Variants in CARMIL1 observed in about 807,000 individuals in gnomAD.
CARMIL1 encodes F-actin-uncapping protein LRRC16A.
CARMIL1 carries 90 observed loss-of-function variants against 177.1 expected under a neutral mutation model. That is an observed-to-expected ratio of 0.51 (90% confidence interval 0.43 to 0.61). The LOEUF (loss-of-function observed/expected upper bound fraction) is 0.61. Among genes scored for constraint, CARMIL1 ranks in the 20% least tolerant of loss-of-function variants. CARMIL1 has a pLI of 0.00. For synonymous variants in CARMIL1, 577 were observed against 606.2 expected (o/e 0.95, Z 0.71); for missense variants, 1,380 against 1,667.0 (o/e 0.83, Z 3.00).
intron 2 of CARMIL1, among the ~76,000 whole-genome samples, chr6:25,382,833 C>A (rs1463646673): frequency 6.6e-6 from 1 of 152,200 alleles, no homozygotes; most frequent in African/African-American, 2.4e-5. Context: ...CAAGTCCCCA[C>A]TCGACCCAGG....
intron 8 of CARMIL1, among the ~76,000 whole-genome samples, chr6:25,459,278 T>TCTTTCTCTCTTTCTTTCTTTC (rs1193571469): frequency 2.4e-5 from 1 of 41,980 alleles, no homozygotes; most frequent in Non-Finnish European, 5.6e-5. Flanking sequence ...TTTTTTTTTT[T>TCTTTCTCTCTTTCTTTCTTTC]TTAAGACAGG....
chr6:25,613,437 C>G (rs552266634), intron 36 of CARMIL1, among the ~76,000 whole-genome samples: 17 of 152,294 alleles, frequency 1.1e-4, no homozygotes, highest in African/African-American at 4.1e-4. Context: ...AACTTGTCAA[C>G]CATCAGGAAC....
chr6:25,434,517 C>G (rs1338765968), intron 4 of CARMIL1, among the ~76,000 whole-genome samples: 2 of 139,012 alleles, frequency 1.4e-5, no homozygotes, highest in Non-Finnish European at 3.1e-5. Context: ...AGCTCAAAAC[C>G]ATTTTTTTTT....
chr6:25,386,299 C>T (rs1792153107), intron 2 of CARMIL1, among the ~76,000 whole-genome samples: 1 of 152,114 alleles, frequency 6.6e-6, no homozygotes, highest in African/African-American at 2.4e-5. Flanking sequence ...GTCGCCCAGG[C>T]TGGAGTGCAG....
At position 25,410,853 on chromosome 6, in the gene CARMIL1, C is replaced by A. The variant is rs573078752; in HGVS notation, c.139-9261C>A. Among the ~76,000 whole-genome samples the A allele has an allele frequency of 8.5e-5, 13 of 152,214 alleles. No homozygotes were observed. The South Asian group carries it at 2.5e-3, about 29-fold the overall frequency. ...TCTGTTGCTTGAAACTAAGAATAAG[C>A]CCTAATAGGCACAGAGGAATAATTT... On this transcript the variant is annotated intron_variant, in intron 2 of 36. Transcript: ENST00000329474.
chr6:25,298,048 ACTTT>A (rs1782564428), intron 2 of CARMIL1, among the ~76,000 whole-genome samples: 1 of 152,216 alleles, frequency 6.6e-6, no homozygotes, highest in African/African-American at 2.4e-5. Context: ...TCTGTGCCTT[ACTTT>A]CTTCATCTGT....
intron 4 of CARMIL1, among the ~76,000 whole-genome samples, chr6:25,428,456 A>G (rs1796457648): frequency 6.6e-6 from 1 of 152,214 alleles, no homozygotes; most frequent in South Asian, 2.1e-4. Context: ...GAAATCAGAT[A>G]GTGTTAGTCC....
rs62392356 is a variant in CARMIL1 at position 25,523,108 on chromosome 6, C to T, written c.1968+2771C>T. Reference sequence around the variant, plus strand: ...GCCACCATGCCTGGTCGCTTGAATGCTTTTTAGGCATATGTTGAATAGAAG... The same window carrying T: ...GCCACCATGCCTGGTCGCTTGAATGTTTTTTAGGCATATGTTGAATAGAAG... On this transcript the variant is annotated intron_variant, in intron 23 of 36. Transcript: ENST00000329474. Among the ~76,000 whole-genome samples the T allele has an allele frequency of 5.0e-3, 754 of 152,248 alleles. 7 individuals carry two copies. The highest frequency in any genetic ancestry group is 4.9e-3 in the Admixed American group (75 of 15,304).
chr6:25,358,690 G>T (rs1346682812), intron 2 of CARMIL1, among the ~76,000 whole-genome samples: 1 of 152,144 alleles, frequency 6.6e-6, no homozygotes, highest in African/African-American at 2.4e-5. Context: ...CTATGATAGG[G>T]CATATAGAGC....
At chr6:25,307,696 A>C (rs1465228144) in intron 2 of CARMIL1, among the ~76,000 whole-genome samples, 1 of 152,250 alleles carries the variant, frequency 6.6e-6, no homozygotes, top group Non-Finnish European at 1.5e-5. Context: ...AAAGGCTTCC[A>C]CTGGGATCTG....
At chr6:25,303,558 T>C (rs886877580) in intron 2 of CARMIL1, among the ~76,000 whole-genome samples, 6 of 152,244 alleles carry the variant, frequency 3.9e-5, no homozygotes, top group Non-Finnish European at 8.8e-5. Context: ...ATACTTAACA[T>C]GTACATTTCT....
intron 2 of CARMIL1, among the ~76,000 whole-genome samples, chr6:25,381,305 C>T (rs571957133): frequency 6.6e-6 from 1 of 152,302 alleles, no homozygotes; most frequent in South Asian, 2.1e-4. Flanking sequence ...CCATTCTGGC[C>T]CTTGCACATT....
chr6:25,465,002 T>G (rs916698808), intron 8 of CARMIL1, among the ~76,000 whole-genome samples: 3 of 145,012 alleles, frequency 2.1e-5, no homozygotes, highest in Non-Finnish European at 4.4e-5. Context: ...GTCAAAGAGC[T>G]GATATGAAGC....
chr6:25,585,125 T>C (rs1813510588), intron 31 of CARMIL1, among the ~76,000 whole-genome samples: 1 of 152,212 alleles, frequency 6.6e-6, no homozygotes, highest in African/African-American at 2.4e-5. Context: ...GAAAATATAT[T>C]ACCTTATGAT....
chr6:25,609,902 A>G, intron 35 of CARMIL1, 148 bp from the exon 36 acceptor site: 1 of 871,478 alleles, frequency 1.1e-6, no homozygotes, highest in Non-Finnish European at 1.7e-6. Context: ...TTCACTGAGC[A>G]AAAACACAAA....
chr6:25,609,465 CAA>C (rs11399080), intron 35 of CARMIL1, among the ~76,000 whole-genome samples: 4 of 137,072 alleles, frequency 2.9e-5, no homozygotes, highest in Non-Finnish European at 3.2e-5. Flanking sequence ...GACTCCATCT[CAA>C]AAAAAAAAAA....
In CARMIL1 at chr6:25,600,353, TGAA is replaced by T; in HGVS notation, c.3161_3163del (p.Glu1054del). The stretch of plus-strand genomic sequence containing the variant: ...GAGGCTCAGAGTCCCATGAGCTTAA[TGAA>T]GGAGGAGATGAAAAGAAAAAGCGAG... On this transcript the variant is annotated inframe_deletion, in exon 33 of 37. Transcript: ENST00000329474. 1 of 1,613,914 alleles carries T rather than the reference TGAA, an allele frequency of 6.2e-7. No individual in the cohort carries two copies. The highest frequency in any genetic ancestry group is 8.5e-7 in the Non-Finnish European group (1 of 1,179,864).
rs566476986 is a variant in CARMIL1 at position 25,378,520 on chromosome 6, C to T, written c.139-41594C>T. On this transcript the variant is annotated intron_variant, in intron 2 of 36. Transcript: ENST00000329474. The stretch of plus-strand genomic sequence containing the variant: ...TAGCTGGCTGACTTCCACAAGGTCC[C>T]CTGTGAGGTAGGATCAGCAGTGGCT... Among the ~76,000 whole-genome samples the T allele has an allele frequency of 4.5e-4, 68 of 152,266 alleles. No homozygotes were observed. The Middle Eastern group carries it at 0.014, about 30-fold the overall frequency.
chr6:25,449,928 A>T lies in CARMIL1; in HGVS notation c.402A>T (p.Pro134=). ...TCATGAAAAAAGTCTCCATGGAGCC[A>T]TCTGAGCGCCTGGCTAGTCTCCAGG... The part of the protein sequence containing the change: ...VRIMKKVSME[P]SERLASLQAL... Residue 134 remains proline, a synonymous_variant, in exon 6 of 37, where the codon CCA becomes CCT. Coordinates refer to ENST00000329474, the MANE Select transcript of CARMIL1 (RefSeq NM_017640.6). The T allele has an allele frequency of 6.2e-7, 1 of 1,611,466 alleles. No homozygotes were observed. Among genetic ancestry groups the T allele is most frequent in the Non-Finnish European group, 8.5e-7 (1 of 1,178,322 alleles).
Sources: gnomAD v4.1 joint callset for allele counts (sites outside exome capture counted in the v4.1 genomes callset) on GRCh38, gnomAD v4.1.1 for gene constraint, MANE v1.5 for transcripts, NCBI Gene and HGNC (gene_info 2026-07-23, HGNC 2026-07-21) for gene names.